NPEPL1: variants seen among roughly 807,000 people sequenced by gnomAD.
NPEPL1 encodes the protein probable aminopeptidase NPEPL1.
Under a neutral mutation model 52.4 loss-of-function variants are expected in NPEPL1, and 45 were observed. The observed-to-expected ratio is 0.86, with a 90% CI of 0.68 to 1.10. NPEPL1 has a LOEUF of 1.10. NPEPL1 is among the 50% of genes least tolerant of loss of function. The pLI is 0.00. For missense variants in NPEPL1, 696 were observed against 710.9 expected (o/e 0.98, Z 0.24); for synonymous variants, 360 against 314.7 (o/e 1.14, Z -1.52).
chr20:58,705,677 A>T (rs1164962375), intron 6 of NPEPL1: 2 of 417,658 alleles, frequency 4.8e-6, no homozygotes, highest in Non-Finnish European at 9.8e-6. Flanking sequence ...AACTTTGCAC[A>T]ATCAATCAGT....
At chr20:58,711,250 C>G (rs1168781098) in intron 7 of NPEPL1, 7 of 151,844 alleles carry the variant, frequency 4.6e-5, no homozygotes, top group African/African-American at 1.7e-4. Context: ...AGCCCCATGG[C>G]CTCATCCTGT....
chr20:58,702,381 C>G (rs1467555224), intron 6 of NPEPL1, among the ~76,000 whole-genome samples: 1 of 152,224 alleles, frequency 6.6e-6, no homozygotes, highest in African/African-American at 2.4e-5. Context: ...GTGTCAGCTG[C>G]TGTTCAGGGT....
intron 1 of NPEPL1, 168 bp from the exon 2 acceptor site, chr20:58,693,569 T>C: frequency 1.7e-6 from 1 of 593,544 alleles, no homozygotes; most frequent in Non-Finnish European, 2.9e-6. Flanking sequence ...CAGTTAGCTC[T>C]GCAGAGAGGC....
chr20:58,695,985 T>G (rs1376574259), intron 3 of NPEPL1, among the ~76,000 whole-genome samples: 2 of 152,186 alleles, frequency 1.3e-5, no homozygotes, highest in Non-Finnish European at 2.9e-5. Context: ...TCATGGCCTC[T>G]CCAGCGTTCC....
chr20:58,705,527 G>A (rs748988913), intron 6 of NPEPL1: 10 of 456,140 alleles, frequency 2.2e-5, no homozygotes, highest in African/African-American at 8.0e-5. Flanking sequence ...AGTGGCTCCC[G>A]GACCTCTTTG....
At chr20:58,701,835 C>T (rs55914192) in intron 6 of NPEPL1, among the ~76,000 whole-genome samples, 45,766 of 152,006 alleles carry the variant, frequency 0.3, 8,061 homozygotes, top group Non-Finnish European at 0.39. Flanking sequence ...CATCCCGGTG[C>T]GGTGGCCCTA....
At chr20:58,711,520 T>C (rs73124390) in intron 7 of NPEPL1, 18,231 of 152,304 alleles carry the variant, frequency 0.12, 1,244 homozygotes, top group African/African-American at 0.16. Context: ...GACAGGTGGC[T>C]CCGATATCAT....
intron 6 of NPEPL1, chr20:58,703,828 C>A: frequency 3.0e-6 from 3 of 984,986 alleles, no homozygotes; most frequent in Non-Finnish European, 3.6e-6. Flanking sequence ...GCTGGTAGAA[C>A]TGCCAGAGAG....
intron 6 of NPEPL1, chr20:58,703,806 G>A (rs964858191): frequency 2.0e-6 from 2 of 984,180 alleles, no homozygotes; most frequent in Non-Finnish European, 2.4e-6. Flanking sequence ...GGGAAGCTGT[G>A]GTCTGAGGGT....
At chr20:58,712,911 C>T in intron 8 of NPEPL1, 1 of 410,288 alleles carries the variant, frequency 2.4e-6, no homozygotes, top group East Asian at 5.7e-5. Context: ...AGATTCCCTG[C>T]TCGGGGACAC....
At chr20:58,712,684 T>C (rs562116833) in intron 8 of NPEPL1, 105 bp downstream of exon 8, 12 of 850,508 alleles carry the variant, frequency 1.4e-5, no homozygotes, top group Admixed American at 1.8e-5. Context: ...GCACTCAGCG[T>C]TGGGGTCCCC....
intron 5 of NPEPL1, among the ~76,000 whole-genome samples, chr20:58,699,542 C>T (rs2084568010): frequency 1.3e-5 from 2 of 152,358 alleles, no homozygotes; most frequent in East Asian, 1.9e-4. Context: ...GCCTCTCCAG[C>T]GTCCTCGCGT....
At chr20:58,708,617 G>A in intron 7 of NPEPL1, among the ~76,000 whole-genome samples, 1 of 152,182 alleles carries the variant, frequency 6.6e-6, no homozygotes, top group East Asian at 1.9e-4. Context: ...CTCCTTCACT[G>A]GTTATAAACT....
chr20:58,697,416 A>G (rs1307789968), intron 3 of NPEPL1, among the ~76,000 whole-genome samples: 1 of 152,214 alleles, frequency 6.6e-6, no homozygotes. Flanking sequence ...CAGACAGAGA[A>G]CCCGCTGACA....
rs188583151 is a variant in NPEPL1 at position 58,701,170 on chromosome 20, G to A, written c.822+12G>A. 1.8e-5 allele frequency: 28 copies of A among 1,532,726 alleles called. No individual in the cohort carries two copies. The African/African-American group carries it at 3.5e-4, about 19-fold the overall frequency. 94.9% of individuals were successfully genotyped at this position (1,532,726 alleles called of 1,614,324 possible). On this transcript the variant is annotated intron_variant, in intron 6 of 11. Transcript: ENST00000356091. Reference sequence around the variant, plus strand: ...GCATCAAAGGGAAGGTGAGGTGCGGGCTGGCTCTCAGGGTGCCCTGGGGGA... The same window carrying A: ...GCATCAAAGGGAAGGTGAGGTGCGGACTGGCTCTCAGGGTGCCCTGGGGGA...
chr20:58,698,735 A>T lies in NPEPL1; in HGVS notation c.559A>T (p.Thr187Ser), dbSNP rs1174017099. 1.9e-6 allele frequency: 3 copies of T among 1,612,788 alleles called. No individual in the cohort carries two copies. Among genetic ancestry groups the T allele is most frequent in the Non-Finnish European group, 2.5e-6 (3 of 1,179,836 alleles). Residue 187 changes from threonine to serine, a missense_variant, in exon 4 of 12, where the codon ACA becomes TCA. Thr to Ser is a moderately conservative substitution (Grantham distance 58). Coordinates refer to ENST00000356091, the MANE Select transcript of NPEPL1 (RefSeq NM_024663.4). ...GVRLAARIVD[T>S]PCNEMNTDTF... Reference sequence around the variant, plus strand: ...GCGGCTAGCAGCCCGCATCGTGGACACACCCTGCAATGAGATGAACACCGA... The same window carrying T: ...GCGGCTAGCAGCCCGCATCGTGGACTCACCCTGCAATGAGATGAACACCGA...
intron 6 of NPEPL1, among the ~76,000 whole-genome samples, chr20:58,704,751 G>A (rs75977299): frequency 0.029 from 4,397 of 152,282 alleles, 83 homozygotes; most frequent in Middle Eastern, 0.065. Flanking sequence ...CAGGGAAAAG[G>A]ATTTTAGTAC....
At chr20:58,691,821 A>C, upstream of NPEPL1, 1 of 1,545,950 alleles carries the variant, frequency 6.5e-7, no homozygotes. Flanking sequence ...TTGAGCAATC[A>C]GGATGTTGGG....
chr20:58,704,059 C>A, intron 6 of NPEPL1: 1 of 985,394 alleles, frequency 1.0e-6, no homozygotes, highest in Non-Finnish European at 1.2e-6. Context: ...GCAGGCCTTT[C>A]CTGAGCTGTT....
Sources: gnomAD v4.1 joint callset for allele counts (sites outside exome capture counted in the v4.1 genomes callset) on GRCh38, gnomAD v4.1.1 for gene constraint, MANE v1.5 for transcripts, NCBI Gene and HGNC (gene_info 2026-07-23, HGNC 2026-07-21) for gene names.